The following GCNT1 variants were observed in gnomAD, a reference collection of about 807,000 sequenced individuals.
GCNT1 encodes glucosaminyl (N-acetyl) transferase 1.
A neutral mutation model predicts 26.2 loss-of-function variants in GCNT1; 16 were observed. The ratio of observed to expected loss-of-function variants is 0.61; its 90% confidence interval spans 0.41 to 0.93. GCNT1 has a LOEUF of 0.93. Ranked by LOEUF, GCNT1 falls within the 40% of genes least tolerant of loss-of-function variation. The pLI is 0.00. For synonymous variants in GCNT1, 183 were observed against 190.8 expected (o/e 0.96, Z 0.34); for missense variants, 477 against 526.7 (o/e 0.91, Z 0.92).
intron 1 of GCNT1, among the ~76,000 whole-genome samples, chr9:76,435,422 A>C (rs10869778): frequency 0.39 from 59,788 of 152,024 alleles, 12,036 homozygotes; most frequent in Non-Finnish European, 0.44. Context: ...AAGAAGACTG[A>C]ATTAGTCAGC....
chr9:76,395,780 A>G, the GCNT1 span, among the ~76,000 whole-genome samples: 23 of 152,244 alleles, frequency 1.5e-4, 1 homozygote, highest in Non-Finnish European at 3.1e-4. Flanking sequence ...TAGTAAGAGT[A>G]GTAATAGCAA....
chr9:76,490,830 C>G (rs1329390578), intron 2 of GCNT1, among the ~76,000 whole-genome samples: 1 of 152,194 alleles, frequency 6.6e-6, no homozygotes, highest in Non-Finnish European at 1.5e-5. Context: ...GGGAGTTCCT[C>G]CTAGGTCAGA....
the GCNT1 span, among the ~76,000 whole-genome samples, chr9:76,413,668 G>GTTT: frequency 1.2e-3 from 98 of 84,154 alleles, no homozygotes; most frequent in Non-Finnish European, 1.9e-3. Context: ...TTTTTTTTTT[G>GTTT]TTTTTTTTTT....
chr9:76,451,957 TTTTTTTTTTGTTG>T lies in GCNT1; in HGVS notation c.-290+9645_-290+9657del, dbSNP rs1323658675. On this transcript the variant is annotated intron_variant, in intron 1 of 2. Coordinates refer to the GCNT1 transcript ENST00000442371. ...TTTCTTTTCTTTCTTTCTTTTTTTTTTTTTTTTTTGTTGTTGTTGTTGTTGTTTTGAGATGGAG... is the reference window on the plus strand; with the variant it reads ...TTTCTTTTCTTTCTTTCTTTTTTTTTTTGTTGTTGTTGTTTTGAGATGGAG... Among the ~76,000 whole-genome samples, 4 of 87,648 alleles carry T rather than the reference TTTTTTTTTTGTTG, an allele frequency of 4.6e-5. No individual in the cohort carries two copies. The South Asian group carries it at 1.0e-3, about 22-fold the overall frequency. The allele number at this position is 87,648 out of a possible 152,430, so 57.5% of individuals were successfully genotyped here.
intron 1 of GCNT1, chr9:76,420,721 C>T (rs1403596370): frequency 6.6e-6 from 1 of 151,976 alleles, no homozygotes; most frequent in African/African-American, 2.4e-5. Flanking sequence ...ATCAATTGAG[C>T]TCAGGAGTTT....
intron 1 of GCNT1, among the ~76,000 whole-genome samples, chr9:76,428,264 T>TCAAAAAAAAAAAA (rs1823283295): frequency 8.7e-5 from 1 of 11,524 alleles, no homozygotes; most frequent in Non-Finnish European, 1.8e-4. Flanking sequence ...AGACTCCGTC[T>TCAAAAAAAAAAAA]CAAAAAAAAA....
rs999245680 is a variant in GCNT1, at chr9:76,428,273, AAAAAAAAAAAAAAAAACTT to A, written n.38+8398_38+8416del. Among the ~76,000 whole-genome samples, 19 of 140,412 alleles carry A rather than the reference AAAAAAAAAAAAAAAAACTT, an allele frequency of 1.4e-4. 2 individuals are homozygous for A. The highest frequency in any genetic ancestry group is 1.9e-4 in the African/African-American group (7 of 36,302). The allele number at this position is 140,412 out of a possible 152,430, so 92.1% of individuals were successfully genotyped here. A position where few individuals can be genotyped will look rare whatever the true frequency, so the allele number is the denominator to read the frequency against. ...AGAGCAAGACTCCGTCTCAAAAAAAAAAAAAAAAAAAAAAAACTTAAAAAAAAAAAGAGAGAGAGAAATG... is the reference window on the plus strand; with the variant it reads ...AGAGCAAGACTCCGTCTCAAAAAAAAAAAAAAAAAAAGAGAGAGAGAAATG... On this transcript the variant is annotated intron_variant and non_coding_transcript_variant, in intron 1 of 3. Transcript: ENST00000488136.
chr9:76,412,360 C>CT, the GCNT1 span, among the ~76,000 whole-genome samples: 2 of 152,184 alleles, frequency 1.3e-5, no homozygotes, highest in Admixed American at 1.3e-4. Flanking sequence ...CTCTGATACT[C>CT]TATCTTTCCC....
intron 2 of GCNT1, among the ~76,000 whole-genome samples, chr9:76,469,156 A>G (rs1295021898): frequency 6.6e-6 from 1 of 152,236 alleles, no homozygotes; most frequent in African/African-American, 2.4e-5. Context: ...GTGCACTACT[A>G]TAATTGAAGT....
the GCNT1 span, among the ~76,000 whole-genome samples, chr9:76,400,891 T>C: frequency 6.6e-6 from 1 of 152,230 alleles, no homozygotes; most frequent in Non-Finnish European, 1.5e-5. Context: ...AAGCCAGAAC[T>C]ACTAAGCTCT....
At chr9:76,408,375 G>GT in the GCNT1 span, among the ~76,000 whole-genome samples, 1 of 151,936 alleles carries the variant, frequency 6.6e-6, no homozygotes, top group Non-Finnish European at 1.5e-5. Context: ...ATATGATCAT[G>GT]TTTTTTTCTT....
In GCNT1 at chr9:76,502,479, G is replaced by C; in HGVS notation, c.98G>C (p.Arg33Thr). 2 of 1,613,496 alleles carry C rather than the reference G, an allele frequency of 1.2e-6. No homozygotes were observed. The highest frequency in any genetic ancestry group is 3.3e-5 in the Admixed American group (2 of 60,010). Residue 33 changes from arginine to threonine, a missense_variant, in exon 4 of 4, where the codon AGG becomes ACG. Transcript: ENST00000376730. Reference protein sequence around the residue: ...VLSLITFSVLRIHQKPEFVSV... With the variant: ...VLSLITFSVLTIHQKPEFVSV... Reference sequence around the variant, plus strand: ...TCCCTAATCACCTTCTCCGTTTTAAGGATTCATCAAAAGCCTGAATTTGTA... The same window carrying C: ...TCCCTAATCACCTTCTCCGTTTTAACGATTCATCAAAAGCCTGAATTTGTA...
At chr9:76,414,186 T>C in the GCNT1 span, among the ~76,000 whole-genome samples, 1 of 152,268 alleles carries the variant, frequency 6.6e-6, no homozygotes, top group East Asian at 1.9e-4. Context: ...AATATCAACA[T>C]CACTGCCATA....
intron 2 of GCNT1, among the ~76,000 whole-genome samples, chr9:76,481,269 A>T (rs1280268649): frequency 6.6e-6 from 1 of 151,994 alleles, no homozygotes; most frequent in Non-Finnish European, 1.5e-5. Context: ...AAAAGAAAAT[A>T]GGAATGGAGA....
At chr9:76,422,887 C>A (rs554887980) in intron 1 of GCNT1, among the ~76,000 whole-genome samples, 177 of 152,254 alleles carry the variant, frequency 1.2e-3, no homozygotes, top group Non-Finnish European at 2.0e-3. Context: ...GTACAATATT[C>A]AATAAATTAC....
At chr9:76,394,223 A>C in the GCNT1 span, 8 of 1,533,648 alleles carry the variant, frequency 5.2e-6, no homozygotes, top group Middle Eastern at 7.1e-4. Context: ...CGTCCTGCGG[A>C]GCCGCCGTCG....
chr9:76,477,393 G>C (rs760370746), intron 2 of GCNT1, among the ~76,000 whole-genome samples: 1 of 151,972 alleles, frequency 6.6e-6, no homozygotes, highest in South Asian at 2.1e-4. Flanking sequence ...AGGCATGGTG[G>C]TGCGTGCCTG....
chr9:76,406,790 C>T, the GCNT1 span, among the ~76,000 whole-genome samples: 5 of 152,140 alleles, frequency 3.3e-5, no homozygotes, highest in Non-Finnish European at 7.3e-5. Flanking sequence ...ACTGTAACCC[C>T]AGCATTCTGG....
At chr9:76,440,104 TA>T (rs762535970), upstream of GCNT1, among the ~76,000 whole-genome samples, 15,035 of 124,122 alleles carry the variant, frequency 0.12, 928 homozygotes, top group African/African-American at 0.2. Context: ...GTCGCAAAAA[TA>T]AAAAAAAAAA....
Sources: gnomAD v4.1 joint callset for allele counts (sites outside exome capture counted in the v4.1 genomes callset) on GRCh38, gnomAD v4.1.1 for gene constraint, MANE v1.5 for transcripts, NCBI Gene and HGNC (gene_info 2026-07-23, HGNC 2026-07-21) for gene names.